SS18: variants seen among roughly 807,000 people sequenced by gnomAD.
SS18 encodes protein SSXT.
A neutral mutation model predicts 72.5 loss-of-function variants in SS18; 28 were observed. The ratio of observed to expected loss-of-function variants is 0.39; its 90% CI spans 0.29 to 0.53. The LOEUF is 0.53. Among genes scored for constraint, SS18 ranks in the 20% least tolerant of loss-of-function variants. SS18 has a pLI of 0.76. For missense variants in SS18, 518 were observed against 535.3 expected, an observed-to-expected ratio of 0.97 and a Z score of 0.32; for synonymous variants, 172 against 164.2, an observed-to-expected ratio of 1.05 and a Z score of -0.37.
intron 3 of SS18, among the ~76,000 whole-genome samples, chr18:26,070,171 T>C (rs1231891240): frequency 1.3e-5 from 2 of 152,160 alleles, no homozygotes; most frequent in African/African-American, 2.4e-5. Context: ...TTAAAAATGG[T>C]TCCTAATTAT....
chr18:26,085,401 C>G (rs1486264733), intron 2 of SS18, among the ~76,000 whole-genome samples: 1 of 152,170 alleles, frequency 6.6e-6, no homozygotes, highest in Non-Finnish European at 1.5e-5. Flanking sequence ...TTAAAGATGT[C>G]TAATATCTAC....
At chr18:26,073,161 A>G (rs2144116042) in intron 3 of SS18, among the ~76,000 whole-genome samples, 1 of 152,354 alleles carries the variant, frequency 6.6e-6, no homozygotes, top group African/African-American at 2.4e-5. Context: ...ACAATGCAAT[A>G]AAGCCAGAAA....
upstream of SS18, chr18:26,090,777 G>T (rs1017966477): frequency 5.0e-6 from 3 of 598,512 alleles, no homozygotes; most frequent in Non-Finnish European, 8.8e-6. Flanking sequence ...GGGACCCCTA[G>T]CCCTGGCCGA....
intron 5 of SS18, among the ~76,000 whole-genome samples, chr18:26,047,704 A>G (rs1046604528): frequency 6.6e-6 from 1 of 151,996 alleles, no homozygotes; most frequent in Admixed American, 6.5e-5. Context: ...TTAGCCGGGC[A>G]TGGTGGCGGG....
At chr18:26,056,004 G>A (rs1245580030) in intron 4 of SS18, among the ~76,000 whole-genome samples, 11 of 152,022 alleles carry the variant, frequency 7.2e-5, no homozygotes, top group African/African-American at 2.4e-4. Context: ...TGATCCACCC[G>A]CCTTGGCCTC....
intron 9 of SS18, among the ~76,000 whole-genome samples, chr18:26,034,047 T>C (rs1390081856): frequency 6.6e-6 from 1 of 152,176 alleles, no homozygotes; most frequent in Non-Finnish European, 1.5e-5. Flanking sequence ...TAAAGTCACA[T>C]CTAGAATCTG....
At chr18:26,047,637 T>C (rs10438986) in intron 5 of SS18, among the ~76,000 whole-genome samples, 5,068 of 151,946 alleles carry the variant, frequency 0.033, 156 homozygotes, top group East Asian at 0.16. Flanking sequence ...GTCAGGAGAT[T>C]GAGACCATCC....
chr18:26,038,727 A>C (rs2053669326), intron 6 of SS18, 68 bp from the exon 7 acceptor site: 1 of 1,327,984 alleles, frequency 7.5e-7, no homozygotes, highest in South Asian at 1.2e-5. Flanking sequence ...TTTCTTTCTA[A>C]TTTGATATTA....
chr18:26,067,600 T>C (rs1481480499), intron 3 of SS18, among the ~76,000 whole-genome samples: 1 of 152,100 alleles, frequency 6.6e-6, no homozygotes, highest in African/African-American at 2.4e-5. Flanking sequence ...AAGTCAAGAA[T>C]ATAGGAATCC....
intron 4 of SS18, among the ~76,000 whole-genome samples, chr18:26,054,844 G>A (rs1379831163): frequency 2.6e-5 from 4 of 151,718 alleles, no homozygotes; most frequent in Admixed American, 2.0e-4. Context: ...GGGTTCAAGC[G>A]ATTCTCCTGT....
chr18:26,036,584 T>C (rs562027796), intron 7 of SS18, among the ~76,000 whole-genome samples: 1 of 152,270 alleles, frequency 6.6e-6, no homozygotes, highest in South Asian at 2.1e-4. Context: ...ACAATAAATT[T>C]TACCTGCGAG....
chr18:26,034,866 C>T, intron 9 of SS18, 139 bp downstream of exon 9: 1 of 1,135,790 alleles, frequency 8.8e-7, no homozygotes, highest in East Asian at 2.8e-5. Context: ...TTTAAACCAA[C>T]ATTTTAACAG....
At chr18:26,065,940 A>T (rs918619755) in intron 3 of SS18, among the ~76,000 whole-genome samples, 13 of 151,608 alleles carry the variant, frequency 8.6e-5, no homozygotes, top group African/African-American at 3.1e-4. Context: ...TGTTATCTTG[A>T]TTATAGTGGT....
At chr18:26,039,558 A>G (rs2053688709) in intron 5 of SS18, 102 bp from the exon 6 acceptor site, 16 of 1,045,884 alleles carry the variant, frequency 1.5e-5, no homozygotes, top group Non-Finnish European at 1.8e-5. Flanking sequence ...AAAAATATAT[A>G]ATTAAATGCA....
At chr18:26,032,842 A>T (rs1017193984) in intron 9 of SS18, among the ~76,000 whole-genome samples, 1 of 152,198 alleles carries the variant, frequency 6.6e-6, no homozygotes, top group Non-Finnish European at 1.5e-5. Flanking sequence ...AAGAAAATTA[A>T]TCAATACGTC....
Position 26,032,258 on chromosome 18 carries a change from C to T in SS18, c.1230+141G>A, listed in dbSNP as rs374405784. 152 of 972,258 alleles carry T rather than the reference C, an allele frequency of 1.6e-4. 3 individuals are homozygous for T. Among genetic ancestry groups the T allele is most frequent in the East Asian group, 1.1e-3 (46 of 41,000 alleles). The allele number at this position is 972,258 out of a possible 1,614,324, so 60.2% of individuals were successfully genotyped here. ...CAGCATGAATCTCAAAAGTGATACACTTTTTGTTAACAAATGTACCATAAA... is the reference window on the plus strand; with the variant it reads ...CAGCATGAATCTCAAAAGTGATACATTTTTTGTTAACAAATGTACCATAAA... On this transcript the variant is annotated intron_variant, in intron 10 of 10. Coordinates refer to ENST00000415083, the MANE Select transcript of SS18 (RefSeq NM_001007559.3).
intron 4 of SS18, among the ~76,000 whole-genome samples, chr18:26,054,834 G>A (rs1178130298): frequency 2.0e-5 from 3 of 151,242 alleles, no homozygotes; most frequent in African/African-American, 7.3e-5. Flanking sequence ...TCCACTTCCC[G>A]GGTTCAAGCG....
intron 2 of SS18, chr18:26,080,427 T>C (rs2144153003): frequency 2.0e-6 from 2 of 981,874 alleles, no homozygotes; most frequent in Non-Finnish European, 2.4e-6. Flanking sequence ...CATGACCCTT[T>C]AAGAAAAAAT....
chr18:26,043,845 A>G (rs2053772480), intron 5 of SS18, among the ~76,000 whole-genome samples: 1 of 152,236 alleles, frequency 6.6e-6, no homozygotes, highest in Admixed American at 6.5e-5. Context: ...ACAGCTCATT[A>G]AAAGATACAA....
Sources: allele counts gnomAD v4.1 joint callset (sites outside exome capture counted in the v4.1 genomes callset), GRCh38; gene constraint gnomAD v4.1.1; transcripts MANE v1.5; gene names NCBI Gene and HGNC (gene_info 2026-07-23, HGNC 2026-07-21).